The following KIF17 variants were observed in gnomAD, a reference collection of about 807,000 sequenced individuals.
KIF17 encodes kinesin family member 17.
Under a neutral mutation model 96.8 loss-of-function variants are expected in KIF17, and 80 were observed. That is an observed-to-expected ratio of 0.83 (90% CI 0.69 to 1.00). The LOEUF is 1.00. Ranked by LOEUF, KIF17 falls within the 50% of genes least tolerant of loss-of-function variation. KIF17 has a pLI of 0.00. For missense variants in KIF17, 1,280 were observed against 1,372.9 expected, an observed-to-expected ratio of 0.93 and a Z score of 1.07; for synonymous variants, 567 against 587.5, an observed-to-expected ratio of 0.97 and a Z score of 0.51.
intron 6 of KIF17, among the ~76,000 whole-genome samples, chr1:20,696,029 G>A (rs2054132407): frequency 6.6e-6 from 1 of 152,102 alleles, no homozygotes; most frequent in Non-Finnish European, 1.5e-5. Context: ...AGAAGCAGCA[G>A]GAAATCCGCT....
chr1:20,684,673 A>G (rs995555981), intron 10 of KIF17, 136 bp downstream of exon 10: 5 of 841,138 alleles, frequency 5.9e-6, no homozygotes, highest in African/African-American at 5.0e-5. Flanking sequence ...CTGCGCCTGG[A>G]GAGAGGATCA....
intron 6 of KIF17, among the ~76,000 whole-genome samples, chr1:20,692,156 CTATGA>C (rs1324964690): frequency 6.6e-5 from 10 of 152,306 alleles, no homozygotes; most frequent in African/African-American, 2.4e-4. Flanking sequence ...CCCTCAACTG[CTATGA>C]TGCACATTTG....
chr1:20,689,960 T>G (rs1346552396), intron 7 of KIF17, among the ~76,000 whole-genome samples: 1 of 152,186 alleles, frequency 6.6e-6, no homozygotes, highest in Non-Finnish European at 1.5e-5. Flanking sequence ...ATCCTGGCTC[T>G]CCTTTACCAG....
At chr1:20,710,491 G>T (rs1245962676) in intron 3 of KIF17, among the ~76,000 whole-genome samples, 1 of 152,224 alleles carries the variant, frequency 6.6e-6, no homozygotes, top group Non-Finnish European at 1.5e-5. Context: ...CTCCCTGCTG[G>T]CTTTCCAGGC....
At chr1:20,663,346 C>T (rs377455338), downstream of KIF17, among the ~76,000 whole-genome samples, 2 of 152,344 alleles carry the variant, frequency 1.3e-5, no homozygotes, top group East Asian at 3.9e-4. Context: ...CCCAGCTTCT[C>T]AAGAGTGTGT....
intron 6 of KIF17, among the ~76,000 whole-genome samples, chr1:20,698,095 C>T (rs973009937): frequency 6.6e-6 from 1 of 152,190 alleles, no homozygotes; most frequent in Non-Finnish European, 1.5e-5. Context: ...GGGGAGACCA[C>T]GCCCCTGGAG....
At chr1:20,674,044 T>A (rs1303797399) in intron 11 of KIF17, among the ~76,000 whole-genome samples, 1 of 152,010 alleles carries the variant, frequency 6.6e-6, no homozygotes. Context: ...TCTTCCCACC[T>A]CAGCCTCCCA....
In KIF17 at chr1:20,687,475, G is replaced by C; in HGVS notation, c.1851C>G (p.Ala617=). ...GTCTGGCCAGCTTGGCTTCCACCTC[G>C]GCAAACGGGTCCTGCAGGCCTAGTA... ...QGLLGLQDPF[A]EVEAKLARLS... Residue 617 remains alanine, a synonymous_variant, in exon 8 of 15, where the codon GCC becomes GCG. Transcript: ENST00000400463. This position sits in a 1 kb window ranked among gnomAD's most constrained non-coding sequence, Gnocchi z 4.4. 6.2e-7 allele frequency: 1 copy of C among 1,613,960 alleles called. No homozygotes were observed.
chr1:20,679,062 G>T (rs1477523433), intron 11 of KIF17, among the ~76,000 whole-genome samples: 1 of 150,482 alleles, frequency 6.6e-6, no homozygotes, highest in Non-Finnish European at 1.5e-5. Flanking sequence ...CTGTAATCCC[G>T]GCACTTTGGG....
intron 6 of KIF17, among the ~76,000 whole-genome samples, chr1:20,696,061 A>C (rs116504035): frequency 7.6e-4 from 116 of 152,288 alleles, no homozygotes; most frequent in Non-Finnish European, 1.4e-3. Context: ...TCTGCAGATG[A>C]GACAGAGGCT....
chr1:20,685,610 C>A lies in KIF17; in HGVS notation c.2019+436G>T, dbSNP rs2053923496. On this transcript the variant is annotated intron_variant, in intron 9 of 14. Coordinates refer to ENST00000400463, the MANE Select transcript of KIF17 (RefSeq NM_001122819.3). This position sits in a 1 kb window ranked among gnomAD's most constrained non-coding sequence, Gnocchi z 4.1. ...AGCCTGCTGCAGGCCCGGTGCCCAG[C>A]CCACACTTGAGTCCAAACTGTCTTC... is the stretch of plus-strand genomic sequence containing the variant. 6.6e-6 allele frequency among the ~76,000 whole-genome samples: 1 copy of A among 152,094 alleles called. No homozygotes were observed. The highest frequency in any genetic ancestry group is 1.5e-5 in the Non-Finnish European group (1 of 68,014).
chr1:20,667,724 T>C (rs647812), intron 13 of KIF17, among the ~76,000 whole-genome samples: 63,228 of 152,076 alleles, frequency 0.42, 13,226 homozygotes, highest in Middle Eastern at 0.45. Context: ...GGTGAAGACA[T>C]AGGCCAGGAG....
chr1:20,694,811 C>A (rs1187732974), intron 6 of KIF17, among the ~76,000 whole-genome samples: 2 of 152,176 alleles, frequency 1.3e-5, no homozygotes, highest in African/African-American at 2.4e-5. Flanking sequence ...CAGAGCCCTG[C>A]AGCCCTCTCC....
chr1:20,712,764 C>A (rs1193835612), intron 3 of KIF17, among the ~76,000 whole-genome samples: 3 of 59,150 alleles, frequency 5.1e-5, no homozygotes, highest in African/African-American at 2.1e-4. Flanking sequence ...TATATTATAT[C>A]TATATATAAT....
chr1:20,703,874 T>A (rs1234500563), intron 5 of KIF17, among the ~76,000 whole-genome samples: 1 of 150,848 alleles, frequency 6.6e-6, no homozygotes, highest in African/African-American at 2.4e-5. Flanking sequence ...GAGGTTGCAA[T>A]GAGCCGAGAT....
chr1:20,686,745 G>T (rs1262460226), intron 8 of KIF17, among the ~76,000 whole-genome samples: 1 of 152,126 alleles, frequency 6.6e-6, no homozygotes, highest in African/African-American at 2.4e-5. Flanking sequence ...AGGTAGAAAT[G>T]GGGTTTCACT....
In KIF17 at chr1:20,687,201, T is replaced by C. The variant is rs2053953152; in HGVS notation, c.1938+187A>G. Reference sequence around the variant, plus strand: ...CAGAGCATGAGACAGAGCTTCTCCTTCCCTAACCCCTGGACACCAGTGCCC... The same window carrying C: ...CAGAGCATGAGACAGAGCTTCTCCTCCCCTAACCCCTGGACACCAGTGCCC... On this transcript the variant is annotated intron_variant, in intron 8 of 14. Transcript: ENST00000400463. The surrounding 1 kb of genome is among the most constrained non-coding windows in gnomAD (Gnocchi z 4.4). Among the ~76,000 whole-genome samples the C allele has an allele frequency of 6.6e-6, 1 of 152,180 alleles. No homozygotes were observed. The highest frequency in any genetic ancestry group is 1.5e-5 in the Non-Finnish European group (1 of 68,020).
At chr1:20,667,106 GTCCCTGGCCTGT>G (rs2154534828) in intron 13 of KIF17, among the ~76,000 whole-genome samples, 1 of 152,292 alleles carries the variant, frequency 6.6e-6, no homozygotes, top group African/African-American at 2.4e-5. Context: ...ACTGGTACCA[GTCCCTGGCCTGT>G]TAGGAACTGG....
At chr1:20,713,313 T>TA in intron 3 of KIF17, 141 bp downstream of exon 3, 2 of 625,732 alleles carry the variant, frequency 3.2e-6, no homozygotes, top group Admixed American at 3.0e-5. Flanking sequence ...TTTTTTTTAA[T>TA]TAAAAAAAAA....
Sources: allele counts gnomAD v4.1 joint callset (sites outside exome capture counted in the v4.1 genomes callset), GRCh38; gene constraint gnomAD v4.1.1; non-coding constraint Gnocchi (gnomAD v3.1); transcripts MANE v1.5; gene names NCBI Gene and HGNC (gene_info 2026-07-23, HGNC 2026-07-21).